Variants in RNLS observed in about 807,000 individuals in gnomAD.
The protein encoded by RNLS is renalase.
Under a neutral mutation model 39.8 loss-of-function variants are expected in RNLS, and 39 were observed. The observed-to-expected ratio is 0.98, with a 90% CI of 0.76 to 1.28. The LOEUF is 1.28. RNLS is among the 50% of genes most tolerant of loss of function. RNLS has a pLI of 0.00. For missense variants in RNLS, 410 were observed against 413.3 expected (o/e 0.99, Z 0.07); for synonymous variants, 147 against 150.7 (o/e 0.98, Z 0.18).
At chr10:88,388,157 C>T (rs1337213296) in intron 4 of RNLS, among the ~76,000 whole-genome samples, 1 of 152,192 alleles carries the variant, frequency 6.6e-6, no homozygotes, top group Non-Finnish European at 1.5e-5. Context: ...GTTGCTCAAG[C>T]TAAGAACCTG....
At chr10:88,318,149 C>T (rs530029838) in intron 5 of RNLS, among the ~76,000 whole-genome samples, 6 of 152,304 alleles carry the variant, frequency 3.9e-5, no homozygotes, top group African/African-American at 1.4e-4. Context: ...GGAATCTCTG[C>T]CCTTGAGTCA....
intron 4 of RNLS, among the ~76,000 whole-genome samples, chr10:88,381,599 T>C (rs1851500416): frequency 6.6e-6 from 1 of 152,028 alleles, no homozygotes; most frequent in East Asian, 1.9e-4. Context: ...TTCCCTCTAA[T>C]TGTAGATGAC....
the RNLS span, among the ~76,000 whole-genome samples, chr10:88,247,921 C>T: frequency 6.6e-6 from 1 of 152,202 alleles, no homozygotes; most frequent in Non-Finnish European, 1.5e-5. Flanking sequence ...TGCAGGCAGC[C>T]TCTAGTTGCT....
intron 4 of RNLS, among the ~76,000 whole-genome samples, chr10:88,457,782 G>A (rs948977373): frequency 4.6e-5 from 7 of 152,118 alleles, no homozygotes; most frequent in African/African-American, 1.7e-4. Flanking sequence ...TCAGCATCTA[G>A]GTGTCCCAAT....
chr10:88,408,679 AT>A (rs969256581), intron 4 of RNLS, among the ~76,000 whole-genome samples: 4 of 151,822 alleles, frequency 2.6e-5, no homozygotes, highest in African/African-American at 4.8e-5. Flanking sequence ...TTTATTTGGA[AT>A]TTTTTTTGGC....
chr10:88,211,684 T>A, the RNLS span, among the ~76,000 whole-genome samples: 3 of 151,158 alleles, frequency 2.0e-5, no homozygotes, highest in Non-Finnish European at 4.4e-5. Context: ...AAAGGTAGAG[T>A]GGGGTAGAGA....
chr10:88,382,447 T>A (rs1564752016), intron 4 of RNLS, among the ~76,000 whole-genome samples: 1 of 152,114 alleles, frequency 6.6e-6, no homozygotes, highest in Non-Finnish European at 1.5e-5. Context: ...CACAGTAGAA[T>A]TTTTTCACAA....
At chr10:88,563,350 G>A (rs1292240687) in intron 4 of RNLS, among the ~76,000 whole-genome samples, 2 of 152,058 alleles carry the variant, frequency 1.3e-5, no homozygotes, top group Non-Finnish European at 2.9e-5. Flanking sequence ...ATTTCATATT[G>A]GCAGTATTAA....
intron 4 of RNLS, among the ~76,000 whole-genome samples, chr10:88,439,739 A>G (rs1006474998): frequency 6.6e-6 from 1 of 152,202 alleles, no homozygotes; most frequent in East Asian, 1.9e-4. Flanking sequence ...TGACAGATGA[A>G]ACTCAGACAC....
At chr10:88,431,050 G>A (rs1303387171) in intron 4 of RNLS, among the ~76,000 whole-genome samples, 2 of 151,454 alleles carry the variant, frequency 1.3e-5, no homozygotes, top group Non-Finnish European at 3.0e-5. Flanking sequence ...GTGTAGGATT[G>A]GTATTATGTC....
At chr10:88,228,329 G>A in the RNLS span, among the ~76,000 whole-genome samples, 482 of 152,234 alleles carry the variant, frequency 3.2e-3, 13 homozygotes, top group Non-Finnish European at 1.6e-3. Flanking sequence ...CAGCAATCAC[G>A]GGTTTTTCAT....
chr10:88,299,617 T>C (rs1190180658), intron 6 of RNLS, among the ~76,000 whole-genome samples: 1 of 152,146 alleles, frequency 6.6e-6, no homozygotes, highest in Non-Finnish European at 1.5e-5. Context: ...AGAGCAAGAC[T>C]CCATTTCAAA....
intron 4 of RNLS, among the ~76,000 whole-genome samples, chr10:88,391,807 A>T (rs1852216523): frequency 1.3e-5 from 2 of 152,268 alleles, no homozygotes; most frequent in South Asian, 2.1e-4. Context: ...GCTTTTATTT[A>T]AAAAAATGGC....
At chr10:88,269,255 T>C (rs1223391482), downstream of RNLS, among the ~76,000 whole-genome samples, 1 of 152,158 alleles carries the variant, frequency 6.6e-6, no homozygotes, top group Non-Finnish European at 1.5e-5. Context: ...TGGTTTGGCA[T>C]TCACAGGGAG....
At chr10:88,223,692 G>A in the RNLS span, among the ~76,000 whole-genome samples, 2 of 152,150 alleles carry the variant, frequency 1.3e-5, no homozygotes, top group South Asian at 4.1e-4. Context: ...AGATAGATTT[G>A]TGAGGGACCA....
chr10:88,437,789 A>G (rs1841492737), intron 4 of RNLS, among the ~76,000 whole-genome samples: 1 of 152,086 alleles, frequency 6.6e-6, no homozygotes, highest in Non-Finnish European at 1.5e-5. Context: ...TGTGAGGGAA[A>G]ATCTGCTGGG....
At chr10:88,187,694 A>C in the RNLS span, among the ~76,000 whole-genome samples, 1 of 152,200 alleles carries the variant, frequency 6.6e-6, no homozygotes, top group African/African-American at 2.4e-5. Context: ...ACTGAGATTT[A>C]GGGAAGTATT....
rs774054284 is a variant in RNLS at position 88,572,962 on chromosome 10, AG to A, written c.466del (p.Ile157LeufsTer20). ...KQTGSPEQFD[L>X]IVLTMPVPEI... ...AGGAACTGGCATTGTGAGAACAATA[AG>A]ATCAAACTGCTCAGGGGAGCCTGTT... On this transcript the variant is annotated frameshift_variant, in exon 4 of 7. Transcript: ENST00000331772. LOFTEE classifies it high-confidence loss of function. The A allele has an allele frequency of 1.7e-5, 28 of 1,613,962 alleles. No individual in the cohort carries two copies. The Middle Eastern group carries it at 4.9e-4, about 28-fold the overall frequency.
the RNLS span, among the ~76,000 whole-genome samples, chr10:88,202,380 A>G: frequency 6.6e-6 from 1 of 152,140 alleles, no homozygotes; most frequent in Non-Finnish European, 1.5e-5. Flanking sequence ...GCACACCAAC[A>G]TGGCACACGC....
Sources: allele counts gnomAD v4.1 joint callset (sites outside exome capture counted in the v4.1 genomes callset), GRCh38; gene constraint gnomAD v4.1.1; transcripts MANE v1.5; gene names NCBI Gene and HGNC (gene_info 2026-07-23, HGNC 2026-07-21).